MYBPC1: variants seen among roughly 807,000 people sequenced by gnomAD.
MYBPC1 encodes myosin-binding protein C, slow-type.
MYBPC1 carries 52 observed loss-of-function variants against 147.1 expected under a neutral mutation model. That is an observed-to-expected ratio of 0.35 (90% CI 0.28 to 0.45). The LOEUF is 0.45. Ranked by LOEUF, MYBPC1 falls within the 20% of genes least tolerant of loss-of-function variation. The pLI, the probability that MYBPC1 is intolerant of heterozygous loss-of-function variation, is 1.00. For missense variants in MYBPC1, 1,228 were observed against 1,440.3 expected, an observed-to-expected ratio of 0.85 and a Z score of 2.39; for synonymous variants, 477 against 475.9, an observed-to-expected ratio of 1.00 and a Z score of -0.03.
At chr12:101,612,468 A>G (rs825078) in intron 1 of MYBPC1, among the ~76,000 whole-genome samples, 82,167 of 152,100 alleles carry the variant, frequency 0.54, 23,916 homozygotes, top group African/African-American at 0.77. Flanking sequence ...GAGGCCACTG[A>G]GACGTAGTAA....
intron 3 of MYBPC1, among the ~76,000 whole-genome samples, chr12:101,625,207 C>G (rs1226767699): frequency 6.6e-6 from 1 of 150,566 alleles, no homozygotes; most frequent in East Asian, 2.0e-4. Context: ...AATAAATAAA[C>G]CTGGCAGCTA....
At chr12:101,664,718 T>C (rs1249362369) in intron 22 of MYBPC1, 1 of 152,196 alleles carries the variant, frequency 6.6e-6, no homozygotes, top group Non-Finnish European at 1.5e-5. Context: ...CCTCAATCCC[T>C]CTTGCACCTA....
Position 101,641,027 on chromosome 12 carries a change from G to A in MYBPC1, c.666-1392G>A, listed in dbSNP as rs540882722. Among the ~76,000 whole-genome samples, 6 of 148,212 alleles carry A rather than the reference G, an allele frequency of 4.0e-5. No individual in the cohort carries two copies. In the East Asian group the frequency reaches 6.3e-4, roughly 16 times the overall value. ...CTTGGGAGACTGAGGCAGGAGAATC[G>A]TTAGAACCCAAGAGGCAGAGATTGC... is the stretch of plus-strand genomic sequence containing the variant. On this transcript the variant is annotated intron_variant, in intron 10 of 31. Coordinates refer to ENST00000361466, the MANE Select transcript of MYBPC1 (RefSeq NM_002465.4).
chr12:101,690,791 A>C (rs1289804776), downstream of MYBPC1, among the ~76,000 whole-genome samples: 1 of 152,196 alleles, frequency 6.6e-6, no homozygotes, highest in Non-Finnish European at 1.5e-5. Context: ...TTTAGAGAGG[A>C]GAGCAAAGGT....
At chr12:101,694,996 C>T in the MYBPC1 span, among the ~76,000 whole-genome samples, 1 of 152,134 alleles carries the variant, frequency 6.6e-6, no homozygotes, top group African/African-American at 2.4e-5. Context: ...GATACATGTG[C>T]AAGAATTTCT....
chr12:101,595,199 A>G, intron 1 of MYBPC1, 104 bp downstream of exon 1: 2 of 1,036,296 alleles, frequency 1.9e-6, no homozygotes, highest in South Asian at 1.4e-5. Context: ...ATGAGAAAAT[A>G]AAATCACTAT....
intron 5 of MYBPC1, 161 bp downstream of exon 5, chr12:101,627,965 T>A: frequency 1.2e-6 from 1 of 822,312 alleles, no homozygotes; most frequent in Non-Finnish European, 2.0e-6. Context: ...ACTAATGTAT[T>A]GAGAAACAAT....
At chr12:101,637,069 T>C (rs969297975) in intron 10 of MYBPC1, 1 of 55,358 alleles carries the variant, frequency 1.8e-5, no homozygotes, top group East Asian at 6.7e-4. Flanking sequence ...AGTCTGAAGG[T>C]ATACACATTG....
At chr12:101,647,845 C>T (rs1893550056) in intron 13 of MYBPC1, among the ~76,000 whole-genome samples, 200 bp from the exon 14 acceptor site, 4 of 152,158 alleles carry the variant, frequency 2.6e-5, no homozygotes, top group Admixed American at 2.6e-4. Context: ...CAAGATCACG[C>T]CACTACACCT....
intron 5 of MYBPC1, 49 bp from the exon 6 acceptor site, chr12:101,629,385 A>G (rs1593770107): frequency 3.1e-6 from 4 of 1,303,166 alleles, no homozygotes; most frequent in East Asian, 2.3e-5. Context: ...AGACTGCCTA[A>G]GAAGAGCCTG....
At chr12:101,603,689 C>T (rs754331551) in intron 1 of MYBPC1, among the ~76,000 whole-genome samples, 1 of 152,196 alleles carries the variant, frequency 6.6e-6, no homozygotes, top group Non-Finnish European at 1.5e-5. Flanking sequence ...TGCCTGTAAT[C>T]CCAGCATTTT....
intron 4 of MYBPC1, 149 bp from the exon 5 acceptor site, chr12:101,627,620 A>AT (rs903400590): frequency 3.6e-6 from 3 of 833,670 alleles, no homozygotes; most frequent in African/African-American, 1.7e-5. Flanking sequence ...AGCTCTACTG[A>AT]TTTTCCATCC....
chr12:101,673,682 T>G, intron 25 of MYBPC1, 60 bp downstream of exon 25: 1 of 1,566,056 alleles, frequency 6.4e-7, no homozygotes, highest in Non-Finnish European at 8.8e-7. Flanking sequence ...TGAATTGTCC[T>G]TGTCCCTAAG....
chr12:101,610,452 C>G (rs1424278488), intron 1 of MYBPC1, among the ~76,000 whole-genome samples: 1 of 152,184 alleles, frequency 6.6e-6, no homozygotes, highest in Non-Finnish European at 1.5e-5. Context: ...ACATGCAGCT[C>G]ACAGACCTAG....
At chr12:101,668,757 G>T (rs75147317) in intron 23 of MYBPC1, among the ~76,000 whole-genome samples, 1 of 152,126 alleles carries the variant, frequency 6.6e-6, no homozygotes, top group African/African-American at 2.4e-5. Context: ...GAGCCACCAC[G>T]CCTGGCCCTT....
intron 3 of MYBPC1, among the ~76,000 whole-genome samples, chr12:101,622,361 G>C (rs899649559): frequency 6.6e-6 from 1 of 152,104 alleles, no homozygotes. Flanking sequence ...AATTTTTTGA[G>C]AATTTAAGGT....
intron 24 of MYBPC1, among the ~76,000 whole-genome samples, chr12:101,672,863 A>G (rs1451073019): frequency 6.6e-6 from 1 of 152,154 alleles, no homozygotes; most frequent in Non-Finnish European, 1.5e-5. Context: ...AAAAATTTAG[A>G]TGATATTAAC....
chr12:101,652,581 G>C, intron 16 of MYBPC1, 97 bp from the exon 17 acceptor site: 2 of 824,934 alleles, frequency 2.4e-6, no homozygotes, highest in Non-Finnish European at 4.2e-6. Context: ...CTGCACTAAA[G>C]AAGTTAATCA....
At chr12:101,604,712 T>C (rs1881460469) in intron 1 of MYBPC1, among the ~76,000 whole-genome samples, 1 of 152,202 alleles carries the variant, frequency 6.6e-6, no homozygotes, top group Non-Finnish European at 1.5e-5. Context: ...GGACTCATAT[T>C]GATTTGTATT....
Sources: gnomAD v4.1 joint callset for allele counts (sites outside exome capture counted in the v4.1 genomes callset) on GRCh38, gnomAD v4.1.1 for gene constraint, MANE v1.5 for transcripts, NCBI Gene and HGNC (gene_info 2026-07-23, HGNC 2026-07-21) for gene names.